The following PHC3 variants were observed in gnomAD, a reference collection of about 807,000 sequenced individuals.
PHC3 encodes polyhomeotic-like protein 3.
A neutral mutation model predicts 107.4 loss-of-function variants in PHC3; 13 were observed. That is an observed-to-expected ratio of 0.12 (90% CI 0.08 to 0.19). The LOEUF (loss-of-function observed/expected upper bound fraction) is 0.19. Ranked by LOEUF, PHC3 falls within the 10% of genes least tolerant of loss-of-function variation. The pLI is 1.00. For missense variants in PHC3, 992 were observed against 1,210.9 expected, an observed-to-expected ratio of 0.82 and a Z score of 2.68; for synonymous variants, 456 against 427.4, an observed-to-expected ratio of 1.07 and a Z score of -0.83.
intron 8 of PHC3, 28 bp downstream of exon 8, chr3:170,128,656 G>GA (rs1478178964): frequency 1.8e-5 from 28 of 1,586,510 alleles, no homozygotes; most frequent in Non-Finnish European, 2.4e-5. Context: ...AGTTCAGCAA[G>GA]AAAGTCAAAG....
rs1714214133 is a variant in PHC3, at chr3:170,092,570, C to A, written c.*4660G>T. 1.3e-5 allele frequency: 2 copies of A among 152,174 alleles called. No individual in the cohort carries two copies. The highest frequency in any genetic ancestry group is 1.5e-5 in the Non-Finnish European group (1 of 68,032). 9.4% of individuals were successfully genotyped at this position (152,174 alleles called of 1,614,324 possible). On this transcript the variant is annotated 3_prime_UTR_variant, in exon 15 of 15. Transcript: ENST00000495893. ...GACTAGGAAAGAGAAACCTATAGCT[C>A]TTCTTTTCCCAATTCTTAGACTGAG...
At chr3:170,155,879 A>C (rs1355203448) in intron 4 of PHC3, among the ~76,000 whole-genome samples, 3 of 152,182 alleles carry the variant, frequency 2.0e-5, no homozygotes, top group Non-Finnish European at 4.4e-5. Context: ...GTATATATAT[A>C]ATGCCTTCTA....
Position 170,097,269 on chromosome 3 carries a change from C to A in PHC3, c.2949G>T (p.Leu983=), listed in dbSNP as rs376426899. ...GAGAGTTGATGCGTGCACAGATCTT[C>A]AGGGCTGGGCCTAGCTTGATATTCA... The part of the protein sequence containing the change: ...SAMNIKLGPA[L]KICARINSLK... The change falls in exon 15 of 15, where the codon CTG becomes CTT. Residue 983 remains leucine (L), a synonymous_variant. Coordinates refer to ENST00000495893, the MANE Select transcript of PHC3 (RefSeq NM_024947.4). This position sits in a 1 kb window ranked among gnomAD's most constrained non-coding sequence, Gnocchi z 4.1. 1 of 1,613,230 alleles carries A rather than the reference C, an allele frequency of 6.2e-7. No individual in the cohort carries two copies. The highest frequency in any genetic ancestry group is 1.1e-5 in the South Asian group (1 of 91,028).
chr3:170,150,012 T>G (rs920207015), intron 4 of PHC3: 1 of 152,198 alleles, frequency 6.6e-6, no homozygotes, highest in African/African-American at 2.4e-5. Context: ...AGATGATGGA[T>G]ATGCCAGTTA....
At chr3:170,127,516 G>C (rs1320852526) in intron 8 of PHC3, among the ~76,000 whole-genome samples, 2 of 152,140 alleles carry the variant, frequency 1.3e-5, no homozygotes, top group Non-Finnish European at 2.9e-5. Context: ...CAATCTCTGT[G>C]CCTATTAAGA....
At chr3:170,111,317 G>GGAAGGAAGGAAGGAAGGAACGAACGAAC (rs1553779856) in intron 11 of PHC3, among the ~76,000 whole-genome samples, 1 of 107,426 alleles carries the variant, frequency 9.3e-6, no homozygotes, top group Non-Finnish European at 2.0e-5. Flanking sequence ...AAGGAAGGAA[G>GGAAGGAAGGAAGGAAGGAACGAACGAAC]GAACGAACGA....
chr3:170,126,073 CA>C, intron 8 of PHC3: 2 of 561,012 alleles, frequency 3.6e-6, no homozygotes, highest in Middle Eastern at 9.2e-4. Context: ...CAAATGTCAA[CA>C]AAAAACTTTA....
intron 4 of PHC3, 21 bp from the exon 5 acceptor site, chr3:170,149,265 G>C: frequency 6.3e-7 from 1 of 1,578,700 alleles, no homozygotes; most frequent in Non-Finnish European, 8.6e-7. Flanking sequence ...AAACATATTA[G>C]GTCATAGGCT....
chr3:170,147,734 G>C (rs970178336), intron 5 of PHC3: 1 of 152,140 alleles, frequency 6.6e-6, no homozygotes, highest in Non-Finnish European at 1.5e-5. Flanking sequence ...GTAGGGCCTG[G>C]CAACAATCCA....
chr3:170,112,626 C>A (rs1424307655), intron 11 of PHC3, among the ~76,000 whole-genome samples: 6 of 150,566 alleles, frequency 4.0e-5, no homozygotes, highest in Non-Finnish European at 8.8e-5. Context: ...GGGGTTCAAG[C>A]AATACTCCTG....
intron 6 of PHC3, among the ~76,000 whole-genome samples, chr3:170,141,514 G>A (rs1261665061): frequency 6.6e-6 from 1 of 152,168 alleles, no homozygotes; most frequent in African/African-American, 2.4e-5. Flanking sequence ...ATGAGTACCA[G>A]CAAGAAAAAT....
rs200844615 is a variant in PHC3 at position 170,096,193 on chromosome 3, TTTTC to T, written c.*1033_*1036del. Reference sequence around the variant, plus strand: ...TTTTATAGGACAATTTGTAGATTTTTTTTCTTTTTCTAGTATGATTAAACTAGAA... The same window carrying T: ...TTTTATAGGACAATTTGTAGATTTTTTTTTTCTAGTATGATTAAACTAGAA... On this transcript the variant is annotated 3_prime_UTR_variant, in exon 15 of 15. Coordinates refer to ENST00000495893, the MANE Select transcript of PHC3 (RefSeq NM_024947.4). The T allele has an allele frequency of 0.012, 1,844 of 152,222 alleles. 40 individuals carry two copies. Among genetic ancestry groups the T allele is most frequent in the African/African-American group, 0.042 (1,748 of 41,506 alleles). 9.4% of individuals were successfully genotyped at this position (152,222 alleles called of 1,614,324 possible).
At chr3:170,144,341 C>CAA (rs111991992) in intron 6 of PHC3, among the ~76,000 whole-genome samples, 3 of 119,584 alleles carry the variant, frequency 2.5e-5, no homozygotes, top group African/African-American at 6.1e-5. Flanking sequence ...AACTCTGTCT[C>CAA]AAAAAAAAAA....
At position 170,128,918 on chromosome 3, in the gene PHC3, C is replaced by T. The variant is rs767247602; in HGVS notation, c.1554G>A (p.Ser518=). 12 of 1,613,814 alleles carry T rather than the reference C, an allele frequency of 7.4e-6. No individual in the cohort carries two copies. The East Asian group carries it at 8.9e-5, about 12-fold the overall frequency. ...GTGGAATCTGAGCTGGAGGAGATGT[C>T]GACATCTGTGGAGGACTTGCAATTG... is the stretch of plus-strand genomic sequence containing the variant. ...PIPIASPPQM[S]TSPPAQIPPL... Residue 518 remains serine, a synonymous_variant, in exon 8 of 15, where the codon TCG becomes TCA. Coordinates refer to ENST00000495893, the MANE Select transcript of PHC3 (RefSeq NM_024947.4).
At chr3:170,110,927 T>C (rs974879443) in intron 11 of PHC3, among the ~76,000 whole-genome samples, 9 of 152,168 alleles carry the variant, frequency 5.9e-5, no homozygotes, top group African/African-American at 2.2e-4. Context: ...AAAAAAAGAA[T>C]ACCTGCACAT....
chr3:170,158,470 CAG>C (rs1727249945), intron 4 of PHC3, among the ~76,000 whole-genome samples: 1 of 152,030 alleles, frequency 6.6e-6, no homozygotes, highest in Non-Finnish European at 1.5e-5. Context: ...GACATAGTGG[CAG>C]GCACCTGTAA....
At position 170,171,465 on chromosome 3, in the gene PHC3, C is replaced by T; in HGVS notation, c.337-15G>A. On this transcript the variant is annotated splice_polypyrimidine_tract_variant and intron_variant, in intron 3 of 14. Coordinates refer to ENST00000495893, the MANE Select transcript of PHC3 (RefSeq NM_024947.4). ...GACAAACTTGCCTAAAATAGTAAGACTTTTAGAATATGTCGGTAAAAACCT... is the reference window on the plus strand; with the variant it reads ...GACAAACTTGCCTAAAATAGTAAGATTTTTAGAATATGTCGGTAAAAACCT... 2 of 1,547,340 alleles carry T rather than the reference C, an allele frequency of 1.3e-6. No homozygotes were observed. The highest frequency in any genetic ancestry group is 1.7e-6 in the Non-Finnish European group (2 of 1,143,962).
At position 170,097,546 on chromosome 3, in the gene PHC3, A is replaced by C. The variant is rs1714784983; in HGVS notation, c.2834-162T>G. Reference sequence around the variant, plus strand: ...GTAGTCTTGAGTTCACTCTTGAAGAATAGAGTATTTGCATTCTGAAAATAA... The same window carrying C: ...GTAGTCTTGAGTTCACTCTTGAAGACTAGAGTATTTGCATTCTGAAAATAA... On this transcript the variant is annotated intron_variant, in intron 14 of 14. Coordinates refer to ENST00000495893, the MANE Select transcript of PHC3 (RefSeq NM_024947.4). This position sits in a 1 kb window ranked among gnomAD's most constrained non-coding sequence, Gnocchi z 4.1. Among the ~76,000 whole-genome samples, 1 of 152,226 alleles carries C rather than the reference A, an allele frequency of 6.6e-6. No homozygotes were observed. Among genetic ancestry groups the C allele is most frequent in the Non-Finnish European group, 1.5e-5 (1 of 68,028 alleles).
chr3:170,107,743 T>C (rs1340237442), intron 11 of PHC3, among the ~76,000 whole-genome samples: 5 of 152,190 alleles, frequency 3.3e-5, no homozygotes, highest in East Asian at 1.9e-4. Flanking sequence ...TTTCTTTAAC[T>C]TAATGGGTGC....
Sources: allele counts gnomAD v4.1 joint callset (sites outside exome capture counted in the v4.1 genomes callset), GRCh38; gene constraint gnomAD v4.1.1; non-coding constraint Gnocchi (gnomAD v3.1); transcripts MANE v1.5; gene names NCBI Gene and HGNC (gene_info 2026-07-23, HGNC 2026-07-21).